The following MAF variants were observed in gnomAD, a reference collection of about 807,000 sequenced individuals.
The protein encoded by MAF is transcription factor Maf.
MAF carries 10 observed loss-of-function variants against 22.0 expected under a neutral mutation model. That is an observed-to-expected ratio of 0.45 (90% confidence interval 0.28 to 0.77). MAF has a LOEUF of 0.77. Among genes scored for constraint, MAF ranks in the 30% least tolerant of loss-of-function variants. The pLI is 0.12. For synonymous variants in MAF, 337 were observed against 255.8 expected (o/e 1.32, Z -3.03); for missense variants, 544 against 548.4 (o/e 0.99, Z 0.08).
chr16:79,213,452 G>A, the MAF span, among the ~76,000 whole-genome samples: 1 of 151,524 alleles, frequency 6.6e-6, no homozygotes, highest in African/African-American at 2.4e-5. Flanking sequence ...ATTTGCAAAA[G>A]CAGCCGTCAG....
chr16:79,534,751 G>A, the MAF span, among the ~76,000 whole-genome samples: 57 of 152,162 alleles, frequency 3.7e-4, no homozygotes, highest in African/African-American at 1.3e-3. Context: ...AAAAAAGAAA[G>A]AAAGAAAAGA....
chr16:79,400,375 A>C, the MAF span, among the ~76,000 whole-genome samples: 1 of 152,248 alleles, frequency 6.6e-6, no homozygotes, highest in Non-Finnish European at 1.5e-5. Context: ...CACTCTGCAC[A>C]GGTTCTTCTT....
At chr16:79,285,254 T>A in the MAF span, among the ~76,000 whole-genome samples, 4,392 of 152,096 alleles carry the variant, frequency 0.029, 235 homozygotes, top group African/African-American at 0.1. Context: ...ATTAAAAAAA[T>A]ATTTTTAATA....
chr16:79,234,181 A>C, the MAF span, among the ~76,000 whole-genome samples: 5 of 152,016 alleles, frequency 3.3e-5, no homozygotes, highest in Non-Finnish European at 5.9e-5. Context: ...TGTGGCACAC[A>C]CAGTGGTTTT....
At chr16:79,507,915 A>G in the MAF span, among the ~76,000 whole-genome samples, 1 of 152,198 alleles carries the variant, frequency 6.6e-6, no homozygotes, top group East Asian at 1.9e-4. Context: ...ACCTGAAAGC[A>G]TTAGACTTGG....
the MAF span, chr16:79,206,279 C>T: frequency 3.3e-5 from 5 of 152,174 alleles, no homozygotes; most frequent in Non-Finnish European, 7.3e-5. Context: ...AGCCGGAGCC[C>T]CGTGGAAGAC....
At chr16:79,390,170 C>A in the MAF span, among the ~76,000 whole-genome samples, 3 of 151,810 alleles carry the variant, frequency 2.0e-5, no homozygotes, top group Admixed American at 2.0e-4. Context: ...CTGAAGCACT[C>A]GAATGGACTG....
chr16:79,384,979 T>C, the MAF span, among the ~76,000 whole-genome samples: 1 of 152,212 alleles, frequency 6.6e-6, no homozygotes, highest in Non-Finnish European at 1.5e-5. Context: ...CAATGTGGTC[T>C]GGCTGTGGAT....
the MAF span, among the ~76,000 whole-genome samples, chr16:79,543,533 G>C: frequency 1.3e-5 from 2 of 152,184 alleles, no homozygotes; most frequent in Non-Finnish European, 2.9e-5. Context: ...TTGCGGGCAG[G>C]ACAGACGCGC....
chr16:79,229,054 C>A, the MAF span, among the ~76,000 whole-genome samples: 14 of 151,914 alleles, frequency 9.2e-5, no homozygotes, highest in Admixed American at 9.2e-4. Flanking sequence ...CAATCAGCCA[C>A]ATTCTAATCC....
At chr16:79,309,733 G>C in the MAF span, among the ~76,000 whole-genome samples, 2 of 152,268 alleles carry the variant, frequency 1.3e-5, no homozygotes, top group East Asian at 3.9e-4. Context: ...TTACGAGGTG[G>C]TCATTAGCAT....
chr16:79,468,768 G>A, the MAF span, among the ~76,000 whole-genome samples: 1 of 152,138 alleles, frequency 6.6e-6, no homozygotes, highest in Non-Finnish European at 1.5e-5. Context: ...AATCCAGGGG[G>A]CAGAAAAGAA....
chr16:79,392,365 G>A, the MAF span, among the ~76,000 whole-genome samples: 20 of 149,520 alleles, frequency 1.3e-4, no homozygotes, highest in African/African-American at 4.9e-4. Flanking sequence ...GGAAGGGAGA[G>A]ACAGGGAGAA....
the MAF span, among the ~76,000 whole-genome samples, chr16:79,524,271 G>C: frequency 4.6e-5 from 7 of 152,144 alleles, no homozygotes; most frequent in Non-Finnish European, 8.8e-5. Flanking sequence ...CATTAGCCGG[G>C]GGCTATGCAA....
chr16:79,290,007 C>G, the MAF span, among the ~76,000 whole-genome samples: 1 of 152,000 alleles, frequency 6.6e-6, no homozygotes, highest in Non-Finnish European at 1.5e-5. Flanking sequence ...CAGGCGCCTG[C>G]CACCACGCCC....
At chr16:79,475,471 C>A in the MAF span, among the ~76,000 whole-genome samples, 1 of 151,610 alleles carries the variant, frequency 6.6e-6, no homozygotes, top group Non-Finnish European at 1.5e-5. Context: ...TTCAAATATC[C>A]ATGTACACTT....
At chr16:79,561,142 G>A in the MAF span, among the ~76,000 whole-genome samples, 1 of 152,068 alleles carries the variant, frequency 6.6e-6, no homozygotes, top group Non-Finnish European at 1.5e-5. Context: ...GTCACACTGG[G>A]CTCATGGGCA....
At chr16:79,583,762 G>A (rs984195690), downstream of MAF, among the ~76,000 whole-genome samples, 7 of 152,200 alleles carry the variant, frequency 4.6e-5, no homozygotes, top group South Asian at 8.3e-4. Flanking sequence ...CACCTTTAGC[G>A]CGAGGTTAAA....
chr16:79,240,322 T>C, the MAF span, among the ~76,000 whole-genome samples: 1 of 151,214 alleles, frequency 6.6e-6, no homozygotes, highest in East Asian at 1.9e-4. Context: ...TTGCCCTTTC[T>C]TCTGTCTGTA....
Sources: allele counts gnomAD v4.1 joint callset (sites outside exome capture counted in the v4.1 genomes callset), GRCh38; gene constraint gnomAD v4.1.1; transcripts MANE v1.5; gene names NCBI Gene and HGNC (gene_info 2026-07-23, HGNC 2026-07-21).